SCHIP1: variants seen among roughly 807,000 people sequenced by gnomAD.
SCHIP1 encodes schwannomin interacting protein 1, also known as schwannomin-interacting protein 1.
SCHIP1 carries 8 observed loss-of-function variants against 29.7 expected under a neutral mutation model. The ratio of observed to expected loss-of-function variants is 0.27; its 90% CI spans 0.16 to 0.49. The LOEUF is 0.49. Ranked by LOEUF, SCHIP1 falls within the 20% of genes least tolerant of loss-of-function variation. The pLI, the probability that SCHIP1 is intolerant of heterozygous loss-of-function variation, is 0.99. For synonymous variants in SCHIP1, 76 were observed against 94.9 expected (o/e 0.80, Z 1.16); for missense variants, 193 against 294.6 (o/e 0.66, Z 2.52).
At chr3:159,530,944 GC>G in the SCHIP1 span, among the ~76,000 whole-genome samples, 1 of 152,148 alleles carries the variant, frequency 6.6e-6, no homozygotes, top group Admixed American at 6.5e-5. Flanking sequence ...GATAGCATCA[GC>G]CACATTTCTG....
the SCHIP1 span, among the ~76,000 whole-genome samples, chr3:159,279,881 G>A: frequency 6.6e-6 from 1 of 152,108 alleles, no homozygotes; most frequent in Non-Finnish European, 1.5e-5. Flanking sequence ...AATGCTGTTG[G>A]CCTCAGTACA....
chr3:159,590,595 A>G, the SCHIP1 span, among the ~76,000 whole-genome samples: 4 of 151,592 alleles, frequency 2.6e-5, no homozygotes, highest in South Asian at 6.2e-4. Flanking sequence ...AAATAAAAAT[A>G]AAGCAGTCCT....
chr3:159,303,843 ATGTT>A, the SCHIP1 span, among the ~76,000 whole-genome samples: 24 of 152,218 alleles, frequency 1.6e-4, no homozygotes, highest in Non-Finnish European at 2.9e-4. Flanking sequence ...TTTTTACCAT[ATGTT>A]TGTTTCTTTT....
the SCHIP1 span, among the ~76,000 whole-genome samples, chr3:159,585,654 T>C: frequency 1.6e-4 from 25 of 152,294 alleles, no homozygotes; most frequent in Admixed American, 1.2e-3. Flanking sequence ...CTTATCCATC[T>C]TTTATAAATG....
At chr3:159,877,396 A>G (rs912437317) in intron 2 of SCHIP1, among the ~76,000 whole-genome samples, 2 of 152,226 alleles carry the variant, frequency 1.3e-5, no homozygotes, top group African/African-American at 4.8e-5. Flanking sequence ...ACCATGCTTC[A>G]TAGAATCAAT....
intron 2 of SCHIP1, among the ~76,000 whole-genome samples, chr3:159,873,433 GTGAGC>G (rs1449405842): frequency 6.6e-6 from 1 of 152,196 alleles, no homozygotes; most frequent in Non-Finnish European, 1.5e-5. Context: ...AACTGTTCCT[GTGAGC>G]GTGAGTTCCT....
chr3:159,358,174 A>G, the SCHIP1 span, among the ~76,000 whole-genome samples: 1 of 152,228 alleles, frequency 6.6e-6, no homozygotes, highest in Non-Finnish European at 1.5e-5. Flanking sequence ...AGAGGGAGGT[A>G]AGAAGGGTAG....
At chr3:159,452,858 C>G in the SCHIP1 span, among the ~76,000 whole-genome samples, 2 of 152,282 alleles carry the variant, frequency 1.3e-5, no homozygotes, top group African/African-American at 4.8e-5. Context: ...ATCTTCTCCA[C>G]AGCCAATGCA....
chr3:159,614,929 A>C, the SCHIP1 span, among the ~76,000 whole-genome samples: 1 of 152,248 alleles, frequency 6.6e-6, no homozygotes, highest in Non-Finnish European at 1.5e-5. Context: ...AGGTCACAGG[A>C]CAGCCAGGAG....
the SCHIP1 span, among the ~76,000 whole-genome samples, chr3:159,326,649 A>G: frequency 6.6e-6 from 1 of 152,144 alleles, no homozygotes; most frequent in African/African-American, 2.4e-5. Context: ...TTTCCTATGT[A>G]TATTATATTC....
the SCHIP1 span, among the ~76,000 whole-genome samples, chr3:159,543,360 TCCCCCCTCCCCCCA>T: frequency 4.4e-5 from 1 of 22,506 alleles, no homozygotes; most frequent in African/African-American, 1.8e-4. Context: ...CCCTCCCCCC[TCCCCCCTCCCCCCA>T]CCCCACAACA....
chr3:159,542,091 C>A, the SCHIP1 span, among the ~76,000 whole-genome samples: 1 of 152,012 alleles, frequency 6.6e-6, no homozygotes, highest in African/African-American at 2.4e-5. Flanking sequence ...AATGAAAACA[C>A]GGTGTATCAA....
At chr3:159,865,810 T>C (rs990243387) in intron 1 of SCHIP1, among the ~76,000 whole-genome samples, 1 of 152,196 alleles carries the variant, frequency 6.6e-6, no homozygotes, top group African/African-American at 2.4e-5. Flanking sequence ...GGGATCAAAG[T>C]GATTTGATTC....
the SCHIP1 span, among the ~76,000 whole-genome samples, chr3:159,736,689 C>CT: frequency 6.6e-6 from 1 of 151,798 alleles, no homozygotes; most frequent in South Asian, 2.1e-4. Context: ...CGGGGCTGCA[C>CT]TGGGGACGTT....
the SCHIP1 span, among the ~76,000 whole-genome samples, chr3:159,712,876 G>C: frequency 3.3e-5 from 5 of 151,262 alleles, no homozygotes; most frequent in Admixed American, 6.6e-5. Flanking sequence ...GAGAAAGAAA[G>C]GCAGGCCAGG....
chr3:159,489,986 G>A, the SCHIP1 span, among the ~76,000 whole-genome samples: 1 of 152,122 alleles, frequency 6.6e-6, no homozygotes, highest in South Asian at 2.1e-4. Context: ...AAGAGGGGCT[G>A]AGTATGAAGA....
intron 6 of SCHIP1, 135 bp from the exon 8 acceptor site, chr3:159,896,588 T>C (rs751147638): frequency 4.1e-6 from 3 of 731,268 alleles, no homozygotes; most frequent in Non-Finnish European, 4.0e-6. Flanking sequence ...TTGAATAAGG[T>C]ACTTTTTCTT....
chr3:159,787,658 G>A, the SCHIP1 span, among the ~76,000 whole-genome samples: 1 of 152,166 alleles, frequency 6.6e-6, no homozygotes, highest in Admixed American at 6.5e-5. Flanking sequence ...AATCATGCCA[G>A]ATTTGTGGAG....
chr3:159,690,829 A>T, the SCHIP1 span, among the ~76,000 whole-genome samples: 1 of 152,098 alleles, frequency 6.6e-6, no homozygotes, highest in Admixed American at 6.5e-5. Context: ...GAACTTGTTT[A>T]TTTCTGCCTT....
Sources: gnomAD v4.1 joint callset for allele counts (sites outside exome capture counted in the v4.1 genomes callset) on GRCh38, gnomAD v4.1.1 for gene constraint, MANE v1.5 for transcripts, NCBI Gene and HGNC (gene_info 2026-07-23, HGNC 2026-07-21) for gene names.